The following PAM variants were observed in gnomAD, a reference collection of about 807,000 sequenced individuals.
PAM encodes peptidylglycine alpha-amidating monooxygenase.
In PAM, 72 loss-of-function variants were observed where a neutral mutation model predicts 122.1. The ratio of observed to expected loss-of-function variants is 0.59; its 90% confidence interval spans 0.49 to 0.72. The LOEUF (loss-of-function observed/expected upper bound fraction) is 0.72, where lower values mean the gene tolerates loss of function less well. Ranked by LOEUF, PAM falls within the 30% of genes least tolerant of loss-of-function variation. The pLI is 0.00. For missense variants in PAM, 1,106 were observed against 1,183.7 expected (o/e 0.93, Z 0.96); for synonymous variants, 389 against 404.4 (o/e 0.96, Z 0.46).
chr5:103,017,152 C>CAATGAATG (rs1367239920), intron 21 of PAM, among the ~76,000 whole-genome samples, 182 bp from the exon 22 acceptor site: 91 of 152,238 alleles, frequency 6.0e-4, no homozygotes, highest in African/African-American at 2.1e-3. Context: ...AGTCAGTACC[C>CAATGAATG]AATGAATGAA....
chr5:103,027,754 C>T (rs1336572904), intron 24 of PAM, among the ~76,000 whole-genome samples: 2 of 151,876 alleles, frequency 1.3e-5, no homozygotes, highest in East Asian at 3.9e-4. Flanking sequence ...TTGTCATAAC[C>T]AAAGATGGAA....
chr5:102,939,364 A>C (rs2151881222), intron 7 of PAM, among the ~76,000 whole-genome samples: 1 of 152,064 alleles, frequency 6.6e-6, no homozygotes, highest in East Asian at 1.9e-4. Flanking sequence ...ACACTTTTCG[A>C]GTCTCATTTC....
intron 14 of PAM, among the ~76,000 whole-genome samples, chr5:102,965,360 A>G (rs763507372): frequency 2.6e-5 from 4 of 151,690 alleles, no homozygotes; most frequent in Non-Finnish European, 5.9e-5. Context: ...TGGGCTTGAA[A>G]CTAAGAAGCT....
intron 15 of PAM, among the ~76,000 whole-genome samples, chr5:102,975,900 A>G (rs775214169): frequency 6.4e-4 from 97 of 152,328 alleles, no homozygotes; most frequent in Non-Finnish European, 1.1e-3. Context: ...ATTTGTAGGC[A>G]TCAAGAGTGT....
At chr5:102,868,989 T>C (rs1786483921) in intron 3 of PAM, among the ~76,000 whole-genome samples, 1 of 152,208 alleles carries the variant, frequency 6.6e-6, no homozygotes, top group Non-Finnish European at 1.5e-5. Flanking sequence ...GGAAAGAACA[T>C]ACATTGTTTA....
rs79181595 is a variant in PAM at position 102,925,436 on chromosome 5, A to G, written c.442+394A>G. Among the ~76,000 whole-genome samples the G allele has an allele frequency of 5.4e-3, 820 of 152,334 alleles. 6 individuals carry two copies. The highest frequency in any genetic ancestry group is 0.019 in the African/African-American group (782 of 41,582). On this transcript the variant is annotated intron_variant, in intron 6 of 25. Transcript: ENST00000438793. ...AACCTAGGTATCTAATGTGATGCCA[A>G]GACCTCAGCTGGCTTTCTGACTGCA...
At chr5:102,873,456 C>A in intron 3 of PAM, 1 of 152,570 alleles carries the variant, frequency 6.6e-6, no homozygotes, top group Non-Finnish European at 1.5e-5. Context: ...AAGAAGATCC[C>A]CATCCAACTC....
intron 10 of PAM, 131 bp downstream of exon 10, chr5:102,949,748 T>G (rs766850011): frequency 9.6e-5 from 66 of 688,576 alleles, no homozygotes; most frequent in Non-Finnish European, 1.5e-4. Context: ...CTTGAAATAT[T>G]TTATGCTGTT....
intron 7 of PAM, among the ~76,000 whole-genome samples, chr5:102,931,130 C>A (rs1751360309): frequency 6.6e-6 from 1 of 152,146 alleles, no homozygotes; most frequent in African/African-American, 2.4e-5. Context: ...TCATTATAGT[C>A]CTCATGAAAG....
intron 1 of PAM, among the ~76,000 whole-genome samples, chr5:102,805,242 G>C (rs1351850126): frequency 6.6e-6 from 1 of 151,622 alleles, no homozygotes; most frequent in East Asian, 1.9e-4. Flanking sequence ...GCTAATTTTT[G>C]TATTTTTAGT....
chr5:103,028,839 C>G lies in PAM; in HGVS notation c.2744-48C>G. ...ATTTAAGAATTTACAAGGTAACAGA[C>G]ATTGCTGCAAACTTTACCCAATTCT... On this transcript the variant is annotated intron_variant, in intron 25 of 25. Coordinates refer to ENST00000438793, the MANE Select transcript of PAM (RefSeq NM_001177306.2). 8 of 1,048,728 alleles carry G rather than the reference C, an allele frequency of 7.6e-6. No homozygotes were observed. The Middle Eastern group carries it at 1.8e-3, about 230-fold the overall frequency. 65.0% of individuals were successfully genotyped at this position (1,048,728 alleles called of 1,614,324 possible).
chr5:102,829,975 C>G (rs1275810527), intron 1 of PAM, among the ~76,000 whole-genome samples: 1 of 152,102 alleles, frequency 6.6e-6, no homozygotes, highest in East Asian at 1.9e-4. Flanking sequence ...TTTCTGGGCC[C>G]TAGAGTCATA....
intron 14 of PAM, among the ~76,000 whole-genome samples, chr5:102,968,439 A>G (rs1025788909): frequency 2.6e-5 from 4 of 152,218 alleles, no homozygotes; most frequent in African/African-American, 9.6e-5. Context: ...TAACAATTTA[A>G]TAGAGATTAA....
At chr5:103,024,751 T>C (rs996707412) in intron 23 of PAM, among the ~76,000 whole-genome samples, 2 of 152,126 alleles carry the variant, frequency 1.3e-5, no homozygotes, top group Non-Finnish European at 2.9e-5. Flanking sequence ...GGCTAGTATA[T>C]AGGAGAATTG....
At chr5:102,926,807 T>C (rs762019293) in intron 7 of PAM, 139 bp downstream of exon 7, 34 of 562,434 alleles carry the variant, frequency 6.0e-5, no homozygotes, top group Non-Finnish European at 9.1e-5. Context: ...TTGTTTCCTT[T>C]AATTTGGAAC....
At chr5:102,930,123 T>G (rs1477091755) in intron 7 of PAM, among the ~76,000 whole-genome samples, 1 of 152,212 alleles carries the variant, frequency 6.6e-6, no homozygotes, top group East Asian at 1.9e-4. Context: ...ACACAGAATG[T>G]GAAGCTGTAA....
chr5:103,007,482 A>T lies in PAM; in HGVS notation c.2040A>T (p.Pro680=). 6.2e-7 allele frequency: 1 copy of T among 1,614,042 alleles called. No homozygotes were observed. The highest frequency in any genetic ancestry group is 8.5e-7 in the Non-Finnish European group (1 of 1,179,958). ...GEESSGSSPL[P]GQFTVPHSLA... The stretch of plus-strand genomic sequence containing the variant: ...AGTCTTCAGGGAGCAGTCCTCTGCC[A>T]GGCCAGTTCACTGTTCCTCACAGCT... The change falls in exon 20 of 26, where the codon CCA becomes CCT. Residue 680 remains proline, a synonymous_variant. Transcript: ENST00000438793.
intron 5 of PAM, among the ~76,000 whole-genome samples, chr5:102,916,513 C>A (rs1302321341): frequency 1.3e-5 from 2 of 151,374 alleles, no homozygotes; most frequent in African/African-American, 4.8e-5. Context: ...TTTAACCAAG[C>A]CCAACACGTT....
At chr5:102,775,239 C>T (rs774340245) in intron 1 of PAM, among the ~76,000 whole-genome samples, 1 of 152,006 alleles carries the variant, frequency 6.6e-6, no homozygotes, top group African/African-American at 2.4e-5. Context: ...GTCAATATGA[C>T]ACTATTCTTT....
Sources: gnomAD v4.1 joint callset for allele counts (sites outside exome capture counted in the v4.1 genomes callset) on GRCh38, gnomAD v4.1.1 for gene constraint, MANE v1.5 for transcripts, NCBI Gene and HGNC (gene_info 2026-07-23, HGNC 2026-07-21) for gene names.